The following RETREG2 variants were observed in gnomAD, a reference collection of about 807,000 sequenced individuals.
RETREG2 encodes the protein reticulophagy regulator 2.
RETREG2 carries 21 observed loss-of-function variants against 51.6 expected under a neutral mutation model. That is an observed-to-expected ratio of 0.41 (90% CI 0.29 to 0.59). The LOEUF (loss-of-function observed/expected upper bound fraction) is 0.59. Among genes scored for constraint, RETREG2 ranks in the 20% least tolerant of loss-of-function variants. The probability of loss-of-function intolerance (pLI) is 0.34; values close to 1 mark genes in which losing one functional copy is unlikely to be tolerated. For missense variants in RETREG2, 674 were observed against 646.0 expected, an observed-to-expected ratio of 1.04 and a Z score of -0.47; for synonymous variants, 339 against 288.6, an observed-to-expected ratio of 1.17 and a Z score of -1.77.
At chr2:219,180,980 C>A in intron 5 of RETREG2, 82 bp from the exon 6 acceptor site, 1 of 1,572,892 alleles carries the variant, frequency 6.4e-7, no homozygotes. Flanking sequence ...CTACCTTCAG[C>A]ACTTCAGTTT....
intron 2 of RETREG2, 63 bp downstream of exon 2, chr2:219,179,091 G>A: frequency 8.1e-7 from 1 of 1,231,904 alleles, no homozygotes; most frequent in Non-Finnish European, 1.2e-6. Context: ...ATTCCGCTGG[G>A]TGGGGTTAAG....
Position 219,184,555 on chromosome 2 carries a change from C to T in RETREG2, c.*1926C>T, listed in dbSNP as rs560720953. ...GTTTGATTGAGCCCCTGTCCTGTGC[C>T]ACTAAAGGAACTCGAACTTTTCATC... On this transcript the variant is annotated 3_prime_UTR_variant, in exon 9 of 9. Transcript: ENST00000430297. 5 of 152,292 alleles carry T rather than the reference C, an allele frequency of 3.3e-5. No homozygotes were observed. The highest frequency in any genetic ancestry group is 2.6e-4 in the Admixed American group (4 of 15,296). The allele number at this position is 152,292 out of a possible 1,614,324, so 9.4% of individuals were successfully genotyped here.
At position 219,184,055 on chromosome 2, in the gene RETREG2, A is replaced by G. The variant is rs1009580594; in HGVS notation, c.*1426A>G. The G allele has an allele frequency of 8.5e-5, 13 of 152,226 alleles. No homozygotes were observed. Among genetic ancestry groups the G allele is most frequent in the African/African-American group, 2.4e-4 (10 of 41,450 alleles). 9.4% of individuals were successfully genotyped at this position (152,226 alleles called of 1,614,324 possible). A position where few individuals can be genotyped will look rare whatever the true frequency, so the allele number is the denominator to read the frequency against. On this transcript the variant is annotated 3_prime_UTR_variant, in exon 9 of 9. Coordinates refer to ENST00000430297, the MANE Select transcript of RETREG2 (RefSeq NM_024293.6). Reference sequence around the variant, plus strand: ...TCAGATATATACTGTTACTAACTTCATTTTATAGACAGGTTAAGCTTCCTG... The same window carrying G: ...TCAGATATATACTGTTACTAACTTCGTTTTATAGACAGGTTAAGCTTCCTG...
At position 219,182,547 on chromosome 2, in the gene RETREG2, C is replaced by T. The variant is rs1950297683; in HGVS notation, c.1550C>T (p.Pro517Leu). The T allele has an allele frequency of 6.2e-6, 10 of 1,614,188 alleles. No individual in the cohort carries two copies. The East Asian group carries it at 2.0e-4, about 32-fold the overall frequency. Residue 517 changes from proline (P) to leucine (L), a missense_variant, in exon 9 of 9, where the codon CCC becomes CTC. Pro to Leu is a moderately conservative substitution (Grantham distance 98, BLOSUM62 -3). Transcript: ENST00000430297. The stretch of plus-strand genomic sequence containing the variant: ...TTGGAGCCAGAGACACCGCCAAAAC[C>T]CCCTGATGCTCCACCCCTGGGGCCC... The part of the protein sequence containing the change: ...LGLEPETPPK[P>L]PDAPPLGPDI...
In RETREG2 at chr2:219,182,781, G is replaced by A. The variant is rs983383474; in HGVS notation, c.*152G>A. ...TATTCCACCCTCTGCCTGCCTGCCT[G>A]CCTGCTGTCCTGGGCATGGTGCAGT... On this transcript the variant is annotated 3_prime_UTR_variant, in exon 9 of 9. Coordinates refer to ENST00000430297, the MANE Select transcript of RETREG2 (RefSeq NM_024293.6). The A allele has an allele frequency of 4.8e-6, 4 of 835,638 alleles. No individual in the cohort carries two copies. The African/African-American group carries it at 6.8e-5, about 14-fold the overall frequency. The allele number at this position is 835,638 out of a possible 1,614,324, so 51.8% of individuals were successfully genotyped here. A position where few individuals can be genotyped will look rare whatever the true frequency, so the allele number is the denominator to read the frequency against.
Position 219,181,721 on chromosome 2 carries a change from G to A in RETREG2, c.961G>A (p.Gly321Ser). 6.2e-7 allele frequency: 1 copy of A among 1,614,060 alleles called. No homozygotes were observed. Among genetic ancestry groups the A allele is most frequent in the Non-Finnish European group, 8.5e-7 (1 of 1,179,984 alleles). Residue 321 changes from glycine (G) to serine (S), a missense_variant, in exon 8 of 9, where the codon GGT becomes AGT. Physicochemically the swap from Gly to Ser is moderately conservative, Grantham distance 56. Coordinates refer to ENST00000430297, the MANE Select transcript of RETREG2 (RefSeq NM_024293.6). ...TGAGGAGGCTTCTATCTTGGAGAGTGGTGGCTTCTCCGTATCCCGGGCCAC... is the reference window on the plus strand; with the variant it reads ...TGAGGAGGCTTCTATCTTGGAGAGTAGTGGCTTCTCCGTATCCCGGGCCAC... Reference protein sequence around the residue: ...SDEEASILESGGFSVSRATTP... With the variant: ...SDEEASILESSGFSVSRATTP...
At position 219,182,509 on chromosome 2, in the gene RETREG2, T is replaced by TGCGGAGCTGGAGCAGCTGAAA. The variant is rs759254505; in HGVS notation, c.1514_1515insGGAGCTGGAGCAGCTGAAAGC (p.Leu507_Gly508insGluGlnLeuLysAlaGluLeu). On this transcript the variant is annotated inframe_insertion, in exon 9 of 9. Coordinates refer to ENST00000430297, the MANE Select transcript of RETREG2 (RefSeq NM_024293.6). ...ATCAGGGGGAGCTGGAGCAGCTGAA[T>TGCGGAGCTGGAGCAGCTGAAA]GCAGAGCTGGGCTTGGAGCCAGAGA... 9 of 1,613,942 alleles carry TGCGGAGCTGGAGCAGCTGAAA rather than the reference T, an allele frequency of 5.6e-6. No individual in the cohort carries two copies. Among genetic ancestry groups the TGCGGAGCTGGAGCAGCTGAAA allele is most frequent in the African/African-American group, 4.0e-5 (3 of 74,882 alleles).
chr2:219,180,636 C>A, intron 4 of RETREG2, 34 bp from the exon 5 acceptor site: 2 of 1,614,016 alleles, frequency 1.2e-6, no homozygotes, highest in Non-Finnish European at 1.7e-6. Flanking sequence ...CATATCTCAG[C>A]GTGATGTTCT....
intron 8 of RETREG2, 98 bp downstream of exon 8, chr2:219,181,873 C>T (rs945837242): frequency 1.9e-6 from 3 of 1,558,550 alleles, no homozygotes; most frequent in African/African-American, 1.4e-5. Flanking sequence ...CTCTCTAATT[C>T]TCTCAGCTCC....
chr2:219,179,138 A>T, intron 2 of RETREG2, 110 bp downstream of exon 2: 1 of 811,154 alleles, frequency 1.2e-6, no homozygotes, highest in East Asian at 2.4e-5. Flanking sequence ...CCTGCCTCCC[A>T]GGCATGGCCC....
chr2:219,179,843 C>A (rs572609914), intron 3 of RETREG2, 80 bp downstream of exon 3: 1 of 1,447,802 alleles, frequency 6.9e-7, no homozygotes, highest in East Asian at 2.3e-5. Flanking sequence ...TGGAGCAGGG[C>A]AGTGCCCCAG....
At chr2:219,180,988 T>C in intron 5 of RETREG2, 74 bp from the exon 6 acceptor site, 1 of 1,589,702 alleles carries the variant, frequency 6.3e-7, no homozygotes, top group Non-Finnish European at 8.6e-7. Flanking sequence ...AGCACTTCAG[T>C]TTAGGGACCA....
rs1950276580 is a variant in RETREG2, at chr2:219,181,383, A to C, written c.799A>C (p.Asn267His). 3 of 1,614,090 alleles carry C rather than the reference A, an allele frequency of 1.9e-6. No homozygotes were observed. The highest frequency in any genetic ancestry group is 1.3e-5 in the African/African-American group (1 of 75,010). The stretch of plus-strand genomic sequence containing the variant: ...TGCTTTTCTAGAGCGTCAGGGGAAG[A>C]ATGCACCCCCAGGAGGTGATGAGCC... Reference protein sequence around the residue: ...KHDKRKRQGKNAPPGGDEPLA... With the variant: ...KHDKRKRQGKHAPPGGDEPLA... Residue 267 changes from asparagine (N) to histidine (H), a missense_variant, in exon 7 of 9, where the codon AAT (asparagine) becomes CAT (histidine). By Grantham distance (68) the Asn-to-His change is moderately conservative. Coordinates refer to ENST00000430297, the MANE Select transcript of RETREG2 (RefSeq NM_024293.6).
At position 219,181,067 on chromosome 2, in the gene RETREG2, A is replaced by T. The variant is rs754209001; in HGVS notation, c.646A>T (p.Ser216Cys). Residue 216 changes from serine to cysteine, a missense_variant, in exon 6 of 9, where the codon AGT (serine) becomes TGT (cysteine). Coordinates refer to ENST00000430297, the MANE Select transcript of RETREG2 (RefSeq NM_024293.6). ...GIMISYIVLL[S>C]ILLWPLVVYH... ...TTCACGTTCTTAACCCATAGTGTTG[A>T]GTATCCTGCTGTGGCCCCTGGTGGT... 6.2e-6 allele frequency: 10 copies of T among 1,614,032 alleles called. No homozygotes were observed. Among genetic ancestry groups the T allele is most frequent in the African/African-American group, 2.7e-5 (2 of 74,922 alleles).
Position 219,181,107 on chromosome 2 carries a change from TC to T in RETREG2, c.688del (p.Gln230ArgfsTer18). Reference protein sequence around the residue: ...LWPLVVYHELIQRMYTRLEPL... With the variant: ...LWPLVVYHELXQRMYTRLEPL... ...CCCCTGGTGGTTTATCATGAGCTGA[TC>T]CAGAGGATGTACACTCGCCTGGAGC... On this transcript the variant is annotated frameshift_variant, in exon 6 of 9. Coordinates refer to ENST00000430297, the MANE Select transcript of RETREG2 (RefSeq NM_024293.6). LOFTEE classifies it high-confidence loss of function. 6.2e-7 allele frequency: 1 copy of T among 1,614,138 alleles called. No homozygotes were observed. The highest frequency in any genetic ancestry group is 8.5e-7 in the Non-Finnish European group (1 of 1,180,026).
chr2:219,180,090 G>A lies in RETREG2; in HGVS notation c.420-20G>A, dbSNP rs76641841. ...AAGCTGGTATCTGAGGCCTCCAGGGGTCATGTCATGTCTCCCCAGTGAGGG... is the reference window on the plus strand; with the variant it reads ...AAGCTGGTATCTGAGGCCTCCAGGGATCATGTCATGTCTCCCCAGTGAGGG... On this transcript the variant is annotated intron_variant, in intron 3 of 8. Coordinates refer to ENST00000430297, the MANE Select transcript of RETREG2 (RefSeq NM_024293.6). 3.1e-6 allele frequency: 5 copies of A among 1,613,652 alleles called. No homozygotes were observed. Among genetic ancestry groups the A allele is most frequent in the Admixed American group, 3.3e-5 (2 of 60,008 alleles).
intron 3 of RETREG2, 97 bp downstream of exon 3, chr2:219,179,860 G>A (rs1216138728): frequency 7.4e-7 from 1 of 1,357,724 alleles, no homozygotes; most frequent in South Asian, 1.2e-5. Context: ...CCAGCATTGT[G>A]AATGAACTGG....
intron 3 of RETREG2, 168 bp downstream of exon 3, chr2:219,179,931 C>A: frequency 8.8e-7 from 1 of 1,140,190 alleles, no homozygotes; most frequent in Non-Finnish European, 1.3e-6. Context: ...GTGCCTGCTC[C>A]TTTTGGGGCA....
Position 219,184,810 on chromosome 2 carries a change from T to G in RETREG2, c.*2181T>G, listed in dbSNP as rs1574789390. ...TTCTTTTGTTGTTGTTGTTTTGGTTTTTTGTTTTTTGTGGGTTTTTTTTTT... is the reference window on the plus strand; with the variant it reads ...TTCTTTTGTTGTTGTTGTTTTGGTTGTTTGTTTTTTGTGGGTTTTTTTTTT... On this transcript the variant is annotated 3_prime_UTR_variant, in exon 9 of 9. Transcript: ENST00000430297. 1 of 131,486 alleles carries G rather than the reference T, an allele frequency of 7.6e-6. No homozygotes were observed. The highest frequency in any genetic ancestry group is 2.1e-4 in the East Asian group (1 of 4,730). The allele number at this position is 131,486 out of a possible 1,614,324, so 8.1% of individuals were successfully genotyped here.
Sources: allele counts gnomAD v4.1 joint callset, GRCh38; gene constraint gnomAD v4.1.1; transcripts MANE v1.5; gene names NCBI Gene and HGNC (gene_info 2026-07-23, HGNC 2026-07-21).